Variants in EPS15 observed in about 807,000 individuals in gnomAD.
The protein encoded by EPS15 is epidermal growth factor receptor pathway substrate 15.
A neutral mutation model predicts 113.8 loss-of-function variants in EPS15; 72 were observed. The observed-to-expected ratio is 0.63, with a 90% CI of 0.52 to 0.77. The LOEUF (loss-of-function observed/expected upper bound fraction) is 0.77. Among genes scored for constraint, EPS15 ranks in the 30% least tolerant of loss-of-function variants. The probability of loss-of-function intolerance (pLI) is 0.00; values close to 1 mark genes in which losing one functional copy is unlikely to be tolerated. For missense variants in EPS15, 1,048 were observed against 1,045.8 expected, an observed-to-expected ratio of 1.00 and a Z score of -0.03; for synonymous variants, 344 against 363.4, an observed-to-expected ratio of 0.95 and a Z score of 0.61.
rs749601570 is a variant in EPS15 at position 51,471,752 on chromosome 1, G to GA, written c.166-16dup. On this transcript the variant is annotated splice_polypyrimidine_tract_variant and intron_variant, in intron 3 of 24. Coordinates refer to ENST00000371733, the MANE Select transcript of EPS15 (RefSeq NM_001981.3). ...AAATCCCAAATCTGAAATTTAGGGG[G>GA]AAAAAATATCAATGTATATTTTAAA... The GA allele has an allele frequency of 5.0e-6, 8 of 1,585,882 alleles. No homozygotes were observed. The African/African-American group carries it at 8.1e-5, about 16-fold the overall frequency.
At chr1:51,411,056 G>C (rs1268968987) in intron 13 of EPS15, among the ~76,000 whole-genome samples, 2 of 152,214 alleles carry the variant, frequency 1.3e-5, no homozygotes, top group African/African-American at 4.8e-5. Flanking sequence ...TCCACAGCCT[G>C]AGCTCTTAAC....
chr1:51,412,579 T>C (rs1314096842), intron 13 of EPS15, among the ~76,000 whole-genome samples: 1 of 152,232 alleles, frequency 6.6e-6, no homozygotes, highest in Non-Finnish European at 1.5e-5. Context: ...TTATCATTAA[T>C]TTACCAGCAT....
intron 9 of EPS15, 99 bp from the exon 10 acceptor site, chr1:51,447,204 A>G (rs761526248): frequency 1.2e-5 from 12 of 1,034,252 alleles, no homozygotes; most frequent in Non-Finnish European, 1.7e-5. Flanking sequence ...AATTCTGAAC[A>G]ATTCTACCCT....
Position 51,358,709 on chromosome 1 carries a change from G to GTTT in EPS15, c.2545-1866_2545-1864dup, listed in dbSNP as rs71063028. 1.3e-3 allele frequency among the ~76,000 whole-genome samples: 156 copies of GTTT among 121,344 alleles called. 1 individual carries two copies. The highest frequency in any genetic ancestry group is 0.013 in the Middle Eastern group (3 of 240). 79.6% of individuals were successfully genotyped at this position (121,344 alleles called of 152,430 possible). A position where few individuals can be genotyped will look rare whatever the true frequency, so the allele number is the denominator to read the frequency against. On this transcript the variant is annotated intron_variant, in intron 24 of 24. Transcript: ENST00000371733. ...CTTCCAACCAGATTTGTTTTTTTTT[G>GTTT]TTTTTTTTTTTTTTTTTGAGGCGGA...
At chr1:51,449,280 C>A (rs533240413) in intron 8 of EPS15, among the ~76,000 whole-genome samples, 1 of 152,240 alleles carries the variant, frequency 6.6e-6, no homozygotes, top group Admixed American at 6.5e-5. Context: ...AAGATCATGT[C>A]CTTTGCAGCA....
At chr1:51,518,611 G>T (rs1644773271) in intron 1 of EPS15, 1 of 152,504 alleles carries the variant, frequency 6.6e-6, no homozygotes, top group African/African-American at 2.4e-5. Context: ...CTTTGGAGGC[G>T]AGGCTAACTA....
intron 14 of EPS15, among the ~76,000 whole-genome samples, chr1:51,408,897 T>C (rs531244147): frequency 1.4e-3 from 220 of 151,872 alleles, no homozygotes; most frequent in Non-Finnish European, 2.6e-3. Context: ...CCTCCTGGGT[T>C]CACACCATTC....
chr1:51,458,539 C>A (rs1350024224), intron 8 of EPS15: 1 of 444,220 alleles, frequency 2.3e-6, no homozygotes, highest in Admixed American at 2.4e-5. Flanking sequence ...GAGCTCGAGA[C>A]CAGTCTGGCA....
chr1:51,372,150 C>T, intron 21 of EPS15: 1 of 376,174 alleles, frequency 2.7e-6, no homozygotes, highest in Non-Finnish European at 5.2e-6. Flanking sequence ...TCATACCTGC[C>T]CATGCACACA....
intron 1 of EPS15, among the ~76,000 whole-genome samples, chr1:51,508,246 G>GAAAAGA (rs753176134): frequency 2.7e-4 from 16 of 58,792 alleles, no homozygotes; most frequent in South Asian, 6.6e-4. Context: ...AAGAAAGAGA[G>GAAAAGA]AAAGAGAGAG....
At chr1:51,392,164 G>A (rs1002482793) in intron 21 of EPS15, among the ~76,000 whole-genome samples, 2 of 152,204 alleles carry the variant, frequency 1.3e-5, no homozygotes, top group Non-Finnish European at 2.9e-5. Flanking sequence ...AAAGAGGCAG[G>A]TGGAAAACCA....
At chr1:51,457,600 T>C (rs1654112084) in intron 8 of EPS15, 1 of 151,514 alleles carries the variant, frequency 6.6e-6, no homozygotes, top group Non-Finnish European at 1.5e-5. Context: ...AATTCATTTA[T>C]GTTTCATATA....
At chr1:51,442,942 T>C (rs538518517) in intron 11 of EPS15, among the ~76,000 whole-genome samples, 1 of 152,146 alleles carries the variant, frequency 6.6e-6, no homozygotes, top group African/African-American at 2.4e-5. Flanking sequence ...AAAAAAGGAT[T>C]AGTCAAAGCT....
chr1:51,515,988 AACTG>A lies in EPS15; in HGVS notation c.33+3207_33+3210del, dbSNP rs1255050462. 3.9e-5 allele frequency among the ~76,000 whole-genome samples: 6 copies of A among 152,198 alleles called. No homozygotes were observed. The South Asian group carries it at 1.0e-3, about 26-fold the overall frequency. On this transcript the variant is annotated intron_variant, in intron 1 of 24. Transcript: ENST00000371733. ...TAGGGATATGGGCGTTAGGGAGTAAAACTGACTATTGGAAACTTTTTTTTTTTAA... is the reference window on the plus strand; with the variant it reads ...TAGGGATATGGGCGTTAGGGAGTAAAACTATTGGAAACTTTTTTTTTTTAA...
At chr1:51,396,296 ACAGGCTGAG>A (rs1647934112) in intron 20 of EPS15, among the ~76,000 whole-genome samples, 1 of 152,228 alleles carries the variant, frequency 6.6e-6, no homozygotes, top group Non-Finnish European at 1.5e-5. Context: ...GTCACCAAGT[ACAGGCTGAG>A]CATCCTTATC....
At chr1:51,471,441 T>C (rs1655230772) in intron 4 of EPS15, among the ~76,000 whole-genome samples, 1 of 152,142 alleles carries the variant, frequency 6.6e-6, no homozygotes. Context: ...GAAAATTAAT[T>C]AAAGAGCAAA....
intron 8 of EPS15, among the ~76,000 whole-genome samples, chr1:51,460,644 T>C (rs1026983821): frequency 9.2e-5 from 14 of 151,816 alleles, no homozygotes; most frequent in Non-Finnish European, 1.5e-4. Flanking sequence ...AGAAAATAAA[T>C]ATAAATTCTA....
intron 11 of EPS15, among the ~76,000 whole-genome samples, chr1:51,441,558 T>TGTTGTATA (rs1652599742): frequency 1.3e-5 from 2 of 152,118 alleles, no homozygotes; most frequent in African/African-American, 2.4e-5. Flanking sequence ...ATACTTATGT[T>TGTTGTATA]GTTGTATAGT....
chr1:51,366,950 C>CATTTGTTG (rs1405400534), intron 21 of EPS15, among the ~76,000 whole-genome samples: 3 of 152,134 alleles, frequency 2.0e-5, no homozygotes, highest in African/African-American at 7.2e-5. Flanking sequence ...AGTCAACAAA[C>CATTTGTTG]ATTTGTTGAC....
Sources: allele counts gnomAD v4.1 joint callset (sites outside exome capture counted in the v4.1 genomes callset), GRCh38; gene constraint gnomAD v4.1.1; transcripts MANE v1.5; gene names NCBI Gene and HGNC (gene_info 2026-07-23, HGNC 2026-07-21).